GALNTL6: variants seen among roughly 807,000 people sequenced by gnomAD.
GALNTL6 encodes polypeptide N-acetylgalactosaminyltransferase like 6.
GALNTL6 carries 46 observed loss-of-function variants against 73.7 expected under a neutral mutation model. That is an observed-to-expected ratio of 0.62 (90% confidence interval 0.49 to 0.80). The LOEUF (loss-of-function observed/expected upper bound fraction) is 0.80, where lower values mean the gene tolerates loss of function less well. Ranked by LOEUF, GALNTL6 falls within the 30% of genes least tolerant of loss-of-function variation. The pLI is 0.00. For missense variants in GALNTL6, 604 were observed against 755.0 expected, an observed-to-expected ratio of 0.80 and a Z score of 2.34; for synonymous variants, 259 against 263.7, an observed-to-expected ratio of 0.98 and a Z score of 0.17.
chr4:171,997,168 A>G (rs923359328), intron 2 of GALNTL6, among the ~76,000 whole-genome samples: 5 of 152,120 alleles, frequency 3.3e-5, no homozygotes, highest in African/African-American at 1.2e-4. Flanking sequence ...TTGCATGCAA[A>G]TGACTTTCAG....
chr4:172,072,897 A>C (rs1290601244), intron 2 of GALNTL6, among the ~76,000 whole-genome samples: 1 of 152,078 alleles, frequency 6.6e-6, no homozygotes, highest in Non-Finnish European at 1.5e-5. Context: ...TCAAACTATA[A>C]AATATCAACT....
At chr4:172,650,981 G>T (rs1253260419) in intron 5 of GALNTL6, among the ~76,000 whole-genome samples, 1 of 152,084 alleles carries the variant, frequency 6.6e-6, no homozygotes, top group East Asian at 1.9e-4. Flanking sequence ...GAAAGAGAGG[G>T]TTTCAAATTA....
At chr4:172,537,271 C>G (rs1205876688) in intron 5 of GALNTL6, among the ~76,000 whole-genome samples, 1 of 152,146 alleles carries the variant, frequency 6.6e-6, no homozygotes, top group Admixed American at 6.5e-5. Context: ...GTGTCCCTAC[C>G]CAAATCTCAT....
intron 2 of GALNTL6, among the ~76,000 whole-genome samples, chr4:172,158,894 A>G (rs1560946824): frequency 6.6e-6 from 1 of 152,360 alleles, no homozygotes; most frequent in South Asian, 2.1e-4. Flanking sequence ...GAAAAAATGT[A>G]CAGGAATATG....
intron 3 of GALNTL6, among the ~76,000 whole-genome samples, chr4:172,276,581 C>G (rs899086736): frequency 2.6e-5 from 4 of 152,098 alleles, no homozygotes; most frequent in African/African-American, 7.2e-5. Context: ...ATGCCACCAG[C>G]ACCACAATTT....
intron 7 of GALNTL6, among the ~76,000 whole-genome samples, chr4:172,858,909 A>T (rs943701494): frequency 1.3e-5 from 2 of 152,074 alleles, no homozygotes; most frequent in African/African-American, 4.8e-5. Flanking sequence ...CCACAAAGAA[A>T]ATTAAAGATG....
At chr4:171,916,710 ATTACT>A (rs1737642400) in intron 2 of GALNTL6, among the ~76,000 whole-genome samples, 1 of 152,094 alleles carries the variant, frequency 6.6e-6, no homozygotes, top group Non-Finnish European at 1.5e-5. Context: ...TTACTTGAAC[ATTACT>A]TTAGGGGAAA....
At chr4:172,512,601 G>C (rs1734463984) in intron 5 of GALNTL6, among the ~76,000 whole-genome samples, 1 of 152,048 alleles carries the variant, frequency 6.6e-6, no homozygotes, top group Non-Finnish European at 1.5e-5. Flanking sequence ...TCAAGATGTA[G>C]AGCTCCTTTT....
intron 5 of GALNTL6, among the ~76,000 whole-genome samples, chr4:172,407,405 T>C (rs571395429): frequency 1.3e-5 from 2 of 152,230 alleles, no homozygotes; most frequent in South Asian, 4.1e-4. Context: ...TGTAAAATTA[T>C]TCAGGCATGT....
In GALNTL6 at chr4:172,716,169, C is replaced by T. The variant is rs573352759; in HGVS notation, c.554-93192C>T. ...GGTGCTGGTGGTGTCTAGTCTATAGCGGCTAGAGAATGCTAGTGACCATCC... is the reference window on the plus strand; with the variant it reads ...GGTGCTGGTGGTGTCTAGTCTATAGTGGCTAGAGAATGCTAGTGACCATCC... On this transcript the variant is annotated intron_variant, in intron 5 of 12. Coordinates refer to ENST00000506823, the MANE Select transcript of GALNTL6 (RefSeq NM_001034845.3). 4.5e-4 allele frequency among the ~76,000 whole-genome samples: 68 copies of T among 152,156 alleles called. 2 individuals carry two copies. The South Asian group carries it at 0.013, about 30-fold the overall frequency.
At chr4:172,928,695 A>G (rs950576049) in intron 8 of GALNTL6, among the ~76,000 whole-genome samples, 1 of 152,228 alleles carries the variant, frequency 6.6e-6, no homozygotes, top group Admixed American at 6.5e-5. Flanking sequence ...TCTACAAAAC[A>G]TCTCTTCCAA....
chr4:171,994,820 C>CA (rs1453362827), intron 2 of GALNTL6, among the ~76,000 whole-genome samples: 19 of 151,278 alleles, frequency 1.3e-4, no homozygotes, highest in Admixed American at 6.6e-5. Context: ...TAGTTGGAAG[C>CA]AAAAAAACTA....
At chr4:171,921,731 C>G (rs1310768282) in intron 2 of GALNTL6, among the ~76,000 whole-genome samples, 2 of 152,006 alleles carry the variant, frequency 1.3e-5, no homozygotes, top group Non-Finnish European at 2.9e-5. Flanking sequence ...CTCTCACTTT[C>G]AAAGGAGCTT....
chr4:172,626,278 C>T (rs952994950), intron 5 of GALNTL6, among the ~76,000 whole-genome samples: 1 of 152,042 alleles, frequency 6.6e-6, no homozygotes, highest in Non-Finnish European at 1.5e-5. Context: ...ATAGAAAGTC[C>T]TTTCCACTTG....
intron 7 of GALNTL6, among the ~76,000 whole-genome samples, chr4:172,849,650 T>A (rs1167643470): frequency 6.6e-6 from 1 of 152,210 alleles, no homozygotes; most frequent in African/African-American, 2.4e-5. Flanking sequence ...TACAATATGA[T>A]AATATTTATT....
At chr4:172,057,717 AAAAAAAAAAAATATAT>A (rs1458790288) in intron 2 of GALNTL6, among the ~76,000 whole-genome samples, 19 of 80,282 alleles carry the variant, frequency 2.4e-4, no homozygotes, top group South Asian at 5.0e-4. Context: ...AAAAAAAAAA[AAAAAAAAAAAATATAT>A]ATATATATAT....
intron 2 of GALNTL6, among the ~76,000 whole-genome samples, chr4:171,923,191 G>T (rs1490027151): frequency 6.6e-6 from 1 of 152,060 alleles, no homozygotes; most frequent in Non-Finnish European, 1.5e-5. Context: ...TGTTCTCTTT[G>T]TTTTGTTTCA....
At chr4:172,766,302 T>G (rs1273348626) in intron 5 of GALNTL6, among the ~76,000 whole-genome samples, 1 of 152,222 alleles carries the variant, frequency 6.6e-6, no homozygotes, top group Non-Finnish European at 1.5e-5. Flanking sequence ...TTTTTGGATA[T>G]TTAATAGACA....
chr4:172,371,564 C>T (rs1424696165), intron 5 of GALNTL6, among the ~76,000 whole-genome samples: 1 of 151,742 alleles, frequency 6.6e-6, no homozygotes, highest in Non-Finnish European at 1.5e-5. Flanking sequence ...TCTCTCTTTC[C>T]TTCTTTCTCT....
Sources: gnomAD v4.1 joint callset for allele counts (sites outside exome capture counted in the v4.1 genomes callset) on GRCh38, gnomAD v4.1.1 for gene constraint, MANE v1.5 for transcripts, NCBI Gene and HGNC (gene_info 2026-07-23, HGNC 2026-07-21) for gene names.